DNAH1: variants seen among roughly 807,000 people sequenced by gnomAD.
The protein encoded by DNAH1 is dynein axonemal heavy chain 1.
In DNAH1, 327 loss-of-function variants were observed where a neutral mutation model predicts 484.3. That is an observed-to-expected ratio of 0.68 (90% CI 0.62 to 0.74). DNAH1 has a LOEUF of 0.74. Ranked by LOEUF, DNAH1 falls within the 30% of genes least tolerant of loss-of-function variation. The pLI is 0.00. For missense variants in DNAH1, 5,052 were observed against 5,546.8 expected, an observed-to-expected ratio of 0.91 and a Z score of 2.83; for synonymous variants, 2,192 against 2,191.9, an observed-to-expected ratio of 1.00 and a Z score of 0.00.
chr3:52,340,842 G>C (rs1297982103), intron 8 of DNAH1, among the ~76,000 whole-genome samples: 1 of 151,436 alleles, frequency 6.6e-6, no homozygotes, highest in Non-Finnish European at 1.5e-5. Flanking sequence ...GAGTGTGAGA[G>C]ACAGCTCACT....
chr3:52,375,101 C>A (rs138604824), intron 44 of DNAH1, 139 bp from the exon 45 acceptor site: 1 of 1,023,408 alleles, frequency 9.8e-7, no homozygotes, highest in Non-Finnish European at 1.4e-6. Flanking sequence ...AAAAATTTTC[C>A]TGTGTAATAT....
rs750162480 is a variant in DNAH1, at chr3:52,383,485, A to C, written c.8041A>C (p.Thr2681Pro). 24 of 1,613,840 alleles carry C rather than the reference A, an allele frequency of 1.5e-5. No homozygotes were observed. In the South Asian group the frequency reaches 2.5e-4, roughly 17 times the overall value. Residue 2681 changes from threonine to proline, a missense_variant, in exon 51 of 78, where the codon ACC (threonine) becomes CCC (proline). Thr to Pro is a conservative substitution (Grantham distance 38, BLOSUM62 -1). This residue lies in a region of DNAH1 where 2,929 missense variants were observed against 3,409.4 expected (regional missense o/e 0.86). Coordinates refer to ENST00000420323, the MANE Select transcript of DNAH1 (RefSeq NM_015512.5). ...GGACGAGCAGGACCAGATCGTCAGCACCATGCGGCCCTATATCCAGGAGCA... is the reference window on the plus strand; with the variant it reads ...GGACGAGCAGGACCAGATCGTCAGCCCCATGCGGCCCTATATCCAGGAGCA... ...TADEQDQIVS[T>P]MRPYIQEQGL...
At chr3:52,348,077 C>T in intron 12 of DNAH1, 103 bp downstream of exon 12, 1 of 1,244,756 alleles carries the variant, frequency 8.0e-7, no homozygotes, top group Non-Finnish European at 1.1e-6. Flanking sequence ...TCACAGGCCT[C>T]CTGTCGGGCA....
At chr3:52,312,282 G>A (rs1348474824), upstream of DNAH1, among the ~76,000 whole-genome samples, 1 of 152,132 alleles carries the variant, frequency 6.6e-6, no homozygotes, top group Non-Finnish European at 1.5e-5. Flanking sequence ...AGGGAGGGCT[G>A]AGGCCAGGTT....
intron 55 of DNAH1, 23 bp from the exon 56 acceptor site, chr3:52,386,639 C>A: frequency 6.5e-7 from 1 of 1,540,584 alleles, no homozygotes. Flanking sequence ...TGAGTCTTCC[C>A]CACTTGGTGG....
At position 52,392,946 on chromosome 3, in the gene DNAH1, C is replaced by G. The variant is rs769260635; in HGVS notation, c.10395C>G (p.Asn3465Lys). ...TCTTCTGTGTGTCCGACCTGGCCAACGTGGACCCCATGTACCAGTACTCCC... is the reference window on the plus strand; with the variant it reads ...TCTTCTGTGTGTCCGACCTGGCCAAGGTGGACCCCATGTACCAGTACTCCC... ...ILFFCVSDLANVDPMYQYSLE... is the reference protein window; with the variant it reads ...ILFFCVSDLAKVDPMYQYSLE... Residue 3465 changes from asparagine (N) to lysine (K), a missense_variant, in exon 65 of 78, where the codon AAC becomes AAG. This residue lies in a region of DNAH1 where 2,929 missense variants were observed against 3,409.4 expected (regional missense o/e 0.86). Coordinates refer to ENST00000420323, the MANE Select transcript of DNAH1 (RefSeq NM_015512.5). 1 of 1,613,726 alleles carries G rather than the reference C, an allele frequency of 6.2e-7. No individual in the cohort carries two copies. Among genetic ancestry groups the G allele is most frequent in the Non-Finnish European group, 8.5e-7 (1 of 1,179,840 alleles).
chr3:52,363,837 G>T (rs1702962885), intron 32 of DNAH1, among the ~76,000 whole-genome samples: 1 of 152,178 alleles, frequency 6.6e-6, no homozygotes, highest in Admixed American at 6.5e-5. Flanking sequence ...TTGGCCAGAT[G>T]CAGTCCACCA....
intron 28 of DNAH1, among the ~76,000 whole-genome samples, chr3:52,360,643 G>A (rs2153224342): frequency 6.6e-6 from 1 of 152,316 alleles, no homozygotes; most frequent in African/African-American, 2.4e-5. Flanking sequence ...AGTTTCCTCT[G>A]AGGCCTCCTC....
At position 52,389,462 on chromosome 3, in the gene DNAH1, G is replaced by A; in HGVS notation, c.9497G>A (p.Gly3166Asp). 1 of 1,611,198 alleles carries A rather than the reference G, an allele frequency of 6.2e-7. No individual in the cohort carries two copies. The highest frequency in any genetic ancestry group is 8.5e-7 in the Non-Finnish European group (1 of 1,178,872). Residue 3166 changes from glycine (G) to aspartate (D), a missense_variant and splice_region_variant, in exon 60 of 78, where the codon GGC becomes GAC. Coordinates refer to ENST00000420323, the MANE Select transcript of DNAH1 (RefSeq NM_015512.5). ...GFVAYLGPFT[G>D]QYRTVLYDSW... ...GTCCTGAGTCTGGCATCTCCCCAGG[G>A]CCAGTACCGCACGGTGCTCTACGAC...
chr3:52,348,858 T>C, intron 12 of DNAH1, 30 bp from the exon 13 acceptor site: 1 of 1,605,328 alleles, frequency 6.2e-7, no homozygotes, highest in Non-Finnish European at 8.5e-7. Context: ...CTCATCCAGG[T>C]CTGCCCTGCC....
At position 52,383,920 on chromosome 3, in the gene DNAH1, T is replaced by C; in HGVS notation, c.8211T>C (p.Cys2737=). Residue 2737 remains cysteine, a synonymous_variant, in exon 52 of 78, where the codon TGT becomes TGC. Coordinates refer to ENST00000420323, the MANE Select transcript of DNAH1 (RefSeq NM_015512.5). ...AGTTTCCCTCCCTGGTCAACTGCTG[T>C]ACCATCGACTGGTTTAACGAGTGGC... ...LRQFPSLVNC[C]TIDWFNEWPA... 1 of 1,613,588 alleles carries C rather than the reference T, an allele frequency of 6.2e-7. No individual in the cohort carries two copies. The highest frequency in any genetic ancestry group is 8.5e-7 in the Non-Finnish European group (1 of 1,179,672).
At position 52,355,475 on chromosome 3, in the gene DNAH1, C is replaced by T. The variant is rs1702573130; in HGVS notation, c.3693+420C>T. ...CTCTGTCCTGAGCTTCTGTTCTCATCTCATTTGGAGCTACCTTGGTTGAGG... is the reference window on the plus strand; with the variant it reads ...CTCTGTCCTGAGCTTCTGTTCTCATTTCATTTGGAGCTACCTTGGTTGAGG... On this transcript the variant is annotated intron_variant, in intron 21 of 77. Coordinates refer to ENST00000420323, the MANE Select transcript of DNAH1 (RefSeq NM_015512.5). This position sits in a 1 kb window ranked among gnomAD's most constrained non-coding sequence, Gnocchi z 4.5. Among the ~76,000 whole-genome samples the T allele has an allele frequency of 6.6e-6, 1 of 152,258 alleles. No homozygotes were observed. The highest frequency in any genetic ancestry group is 2.4e-5 in the African/African-American group (1 of 41,472).
At chr3:52,374,330 A>C (rs1703488682) in intron 44 of DNAH1, 2 of 1,526,506 alleles carry the variant, frequency 1.3e-6, no homozygotes, top group African/African-American at 2.7e-5. Context: ...GCACAAAGTG[A>C]AATCTCTTGA....
intron 44 of DNAH1, chr3:52,373,932 C>G: frequency 1.5e-6 from 2 of 1,327,246 alleles, no homozygotes; most frequent in Non-Finnish European, 2.2e-6. Flanking sequence ...GGAAGATGAA[C>G]CAACGTTAGA....
chr3:52,356,855 C>G, intron 22 of DNAH1, 77 bp downstream of exon 22: 1 of 1,494,704 alleles, frequency 6.7e-7, no homozygotes, highest in Non-Finnish European at 9.0e-7. Context: ...CTCCTAGTCT[C>G]TTCCCTCCCT....
chr3:52,386,438 C>A, intron 55 of DNAH1, 93 bp downstream of exon 55: 1 of 1,434,810 alleles, frequency 7.0e-7, no homozygotes, highest in South Asian at 1.4e-5. Flanking sequence ...GCAGCCTGCC[C>A]CACCCTCCTC....
In DNAH1 at chr3:52,354,000, C is replaced by G. The variant is rs1194016331; in HGVS notation, c.3480+367C>G. ...TTGAGCCCAGGAGTTTGAGACCAGT[C>G]TGGGCAACATAGGGAGACCCCCATC... On this transcript the variant is annotated intron_variant, in intron 20 of 77. Transcript: ENST00000420323. This position sits in a 1 kb window ranked among gnomAD's most constrained non-coding sequence, Gnocchi z 5.0. Among the ~76,000 whole-genome samples the G allele has an allele frequency of 6.6e-6, 1 of 151,944 alleles. No individual in the cohort carries two copies. The highest frequency in any genetic ancestry group is 1.5e-5 in the Non-Finnish European group (1 of 67,988).
At chr3:52,380,646 C>T (rs370891155) in intron 48 of DNAH1, among the ~76,000 whole-genome samples, 1 of 152,252 alleles carries the variant, frequency 6.6e-6, no homozygotes, top group African/African-American at 2.4e-5. Context: ...GTCCCTGGGT[C>T]AGGCCTCGTG....
At position 52,322,380 on chromosome 3, in the gene DNAH1, G is replaced by T; in HGVS notation, c.-34-29G>T. ...CGGGGCTAAGACAGAGGCTGGCAAGGGCTGACTGACGCTGGGTTCTTCTCC... is the reference window on the plus strand; with the variant it reads ...CGGGGCTAAGACAGAGGCTGGCAAGTGCTGACTGACGCTGGGTTCTTCTCC... On this transcript the variant is annotated intron_variant, in intron 1 of 77. Coordinates refer to ENST00000420323, the MANE Select transcript of DNAH1 (RefSeq NM_015512.5). 4 of 1,504,710 alleles carry T rather than the reference G, an allele frequency of 2.7e-6. No homozygotes were observed. In the Middle Eastern group the frequency reaches 7.1e-4, roughly 266 times the overall value. 93.2% of individuals were successfully genotyped at this position (1,504,710 alleles called of 1,614,324 possible).
Sources: gnomAD v4.1 joint callset for allele counts (sites outside exome capture counted in the v4.1 genomes callset) on GRCh38, gnomAD v4.1.1 for gene constraint, gnomAD v4.1.1 regional missense constraint, Gnocchi (gnomAD v3.1) non-coding constraint, MANE v1.5 for transcripts, NCBI Gene and HGNC (gene_info 2026-07-23, HGNC 2026-07-21) for gene names.